Variants in DCDC2C observed in about 807,000 individuals in gnomAD.
The protein encoded by DCDC2C is doublecortin domain containing 2C, also known as doublecortin domain-containing protein 2C.
A neutral mutation model predicts 45.0 loss-of-function variants in DCDC2C; 44 were observed. That is an observed-to-expected ratio of 0.98 (90% confidence interval 0.77 to 1.26). The LOEUF (loss-of-function observed/expected upper bound fraction) is 1.26. DCDC2C is among the 50% of genes most tolerant of loss of function. DCDC2C has a pLI of 0.00. For synonymous variants in DCDC2C, 187 were observed against 178.8 expected (o/e 1.05, Z -0.37); for missense variants, 447 against 468.9 (o/e 0.95, Z 0.43).
At chr2:3,834,000 T>C (rs13001173) in intron 10 of DCDC2C, among the ~76,000 whole-genome samples, 1 of 152,342 alleles carries the variant, frequency 6.6e-6, no homozygotes, top group African/African-American at 2.4e-5. Flanking sequence ...TTTCTATTTG[T>C]TTTTAAAATA....
At chr2:3,726,695 A>G (rs538202442) in intron 2 of DCDC2C, among the ~76,000 whole-genome samples, 186 of 152,314 alleles carry the variant, frequency 1.2e-3, no homozygotes, top group African/African-American at 4.4e-3. Context: ...CCTCCCTAGC[A>G]TGGACACACA....
intron 2 of DCDC2C, among the ~76,000 whole-genome samples, chr2:3,710,162 C>T (rs116839192): frequency 0.03 from 4,637 of 152,256 alleles, 233 homozygotes; most frequent in African/African-American, 0.11. Context: ...CCATCTCACA[C>T]CAGTCAGAAT....
chr2:3,820,602 G>C (rs537705598), intron 10 of DCDC2C, among the ~76,000 whole-genome samples: 2 of 152,320 alleles, frequency 1.3e-5, no homozygotes, highest in East Asian at 3.9e-4. Flanking sequence ...AGGGAAGACT[G>C]TCTTCCCAAG....
chr2:3,733,167 C>T (rs527840864), intron 3 of DCDC2C, among the ~76,000 whole-genome samples: 77 of 152,210 alleles, frequency 5.1e-4, no homozygotes, highest in South Asian at 5.0e-3. Context: ...GGCTGCTGGG[C>T]CTCTGGTAAT....
chr2:3,732,643 T>C (rs1422587847), intron 3 of DCDC2C, among the ~76,000 whole-genome samples: 2 of 152,248 alleles, frequency 1.3e-5, no homozygotes, highest in East Asian at 3.9e-4. Flanking sequence ...AGTTTGTTGA[T>C]TGTAGGACTG....
rs201082292 is a variant in DCDC2C, at chr2:3,788,800, TC to T, written c.1065+3703del. Among the ~76,000 whole-genome samples the T allele has an allele frequency of 5.7e-4, 38 of 66,386 alleles. 1 individual carries two copies. In the East Asian group the frequency reaches 0.037, roughly 65 times the overall value. The allele number at this position is 66,386 out of a possible 152,430, so 43.6% of individuals were successfully genotyped here. On this transcript the variant is annotated intron_variant, in intron 10 of 10. Coordinates refer to ENST00000399143, the MANE Select transcript of DCDC2C (RefSeq NM_001287444.2). The stretch of plus-strand genomic sequence containing the variant: ...CGTTTCCCTTTCTTCCTCCCTTCCT[TC>T]CCTCCCTTCCTCCCTTCCTGCCTTC...
At chr2:3,832,655 C>T (rs903460933) in intron 10 of DCDC2C, among the ~76,000 whole-genome samples, 8 of 152,192 alleles carry the variant, frequency 5.3e-5, no homozygotes, top group Non-Finnish European at 8.8e-5. Context: ...AGTCAAACAC[C>T]CGAGTCCCTC....
intron 3 of DCDC2C, among the ~76,000 whole-genome samples, chr2:3,741,115 ATCT>A (rs943480602): frequency 6.6e-6 from 1 of 152,188 alleles, no homozygotes; most frequent in African/African-American, 2.4e-5. Flanking sequence ...GGTTTTGAAA[ATCT>A]TCTAAGCACT....
intron 2 of DCDC2C, among the ~76,000 whole-genome samples, chr2:3,725,545 G>C (rs1182990479): frequency 7.4e-6 from 1 of 134,718 alleles, no homozygotes; most frequent in African/African-American, 2.8e-5. Context: ...CAGAGAGGGA[G>C]GAGGCTGCCC....
At chr2:3,783,426 C>T (rs1670566099) in intron 9 of DCDC2C, among the ~76,000 whole-genome samples, 1 of 152,212 alleles carries the variant, frequency 6.6e-6, no homozygotes, top group Non-Finnish European at 1.5e-5. Flanking sequence ...CCTTCTTCCC[C>T]AGGGAGCATC....
intron 4 of DCDC2C, among the ~76,000 whole-genome samples, chr2:3,744,404 G>A (rs763891941): frequency 3.7e-4 from 57 of 152,292 alleles, no homozygotes; most frequent in South Asian, 1.0e-3. Context: ...AGGCCAAGAG[G>A]CTGCAGAGGC....
At chr2:3,708,638 T>C (rs967422609) in intron 2 of DCDC2C, 38 bp downstream of exon 2, 1 of 1,460,668 alleles carries the variant, frequency 6.8e-7, no homozygotes, top group Non-Finnish European at 9.3e-7. Flanking sequence ...ATGGAATAAA[T>C]TGGCCAACTT....
chr2:3,724,759 A>G (rs1668591138), intron 2 of DCDC2C, among the ~76,000 whole-genome samples: 1 of 152,070 alleles, frequency 6.6e-6, no homozygotes, highest in Non-Finnish European at 1.5e-5. Context: ...AGTTACTACC[A>G]CTGTGTCTGA....
intron 10 of DCDC2C, among the ~76,000 whole-genome samples, chr2:3,806,832 CCA>C (rs1198157475): frequency 6.6e-6 from 1 of 152,130 alleles, no homozygotes; most frequent in Non-Finnish European, 1.5e-5. Context: ...TAGACCTGAG[CCA>C]CTGCGCCTGG....
In DCDC2C at chr2:3,771,833, T is replaced by C. The variant is rs544505614; in HGVS notation, c.954+2422T>C. Among the ~76,000 whole-genome samples, 179 of 152,352 alleles carry C rather than the reference T, an allele frequency of 1.2e-3. 1 individual carries two copies. Among genetic ancestry groups the C allele is most frequent in the African/African-American group, 3.8e-3 (159 of 41,588 alleles). On this transcript the variant is annotated intron_variant, in intron 8 of 10. Transcript: ENST00000399143. Reference sequence around the variant, plus strand: ...TGCTGGGCAGGCTCTTGGCTCTGCGTCAGGGTGACTGGCATACCCATGGAC... The same window carrying C: ...TGCTGGGCAGGCTCTTGGCTCTGCGCCAGGGTGACTGGCATACCCATGGAC...
chr2:3,768,505 A>G (rs181879763), intron 7 of DCDC2C, among the ~76,000 whole-genome samples: 100 of 152,296 alleles, frequency 6.6e-4, no homozygotes, highest in Middle Eastern at 3.4e-3. Context: ...GCTTTCCTGC[A>G]CTTCTCTGCA....
At position 3,734,830 on chromosome 2, in the gene DCDC2C, T is replaced by A. The variant is rs1051667628; in HGVS notation, c.417-7090T>A. 1.3e-5 allele frequency among the ~76,000 whole-genome samples: 2 copies of A among 152,126 alleles called. No homozygotes were observed. Among genetic ancestry groups the A allele is most frequent in the African/African-American group, 4.8e-5 (2 of 41,414 alleles). Reference sequence around the variant, plus strand: ...AAGGAAGGACAAAGGCAGGGAGTAATTGGGAAGTTCAAGGTGGGGGTGAAA... The same window carrying A: ...AAGGAAGGACAAAGGCAGGGAGTAAATGGGAAGTTCAAGGTGGGGGTGAAA... On this transcript the variant is annotated intron_variant, in intron 3 of 10. Coordinates refer to ENST00000399143, the MANE Select transcript of DCDC2C (RefSeq NM_001287444.2). The surrounding 1 kb of genome is among the most constrained non-coding windows in gnomAD (Gnocchi z 4.2).
intron 10 of DCDC2C, among the ~76,000 whole-genome samples, chr2:3,846,142 TTCCTCC>T (rs544744777): frequency 6.6e-6 from 1 of 151,938 alleles, no homozygotes; most frequent in Non-Finnish European, 1.5e-5. Context: ...CGTCCTCTTC[TTCCTCC>T]TCCTCCTCCT....
At chr2:3,711,322 T>C (rs987965835) in intron 2 of DCDC2C, among the ~76,000 whole-genome samples, 1 of 152,088 alleles carries the variant, frequency 6.6e-6, no homozygotes, top group African/African-American at 2.4e-5. Flanking sequence ...AATCATCCTG[T>C]CATAAAGATA....
Sources: gnomAD v4.1 joint callset for allele counts (sites outside exome capture counted in the v4.1 genomes callset) on GRCh38, gnomAD v4.1.1 for gene constraint, Gnocchi (gnomAD v3.1) non-coding constraint, MANE v1.5 for transcripts, NCBI Gene and HGNC (gene_info 2026-07-23, HGNC 2026-07-21) for gene names.